SLC29A3: variants seen among roughly 807,000 people sequenced by gnomAD.
SLC29A3 encodes equilibrative nucleoside transporter 3.
In SLC29A3, 18 loss-of-function variants were observed where a neutral mutation model predicts 25.4. That is an observed-to-expected ratio of 0.71 (90% CI 0.49 to 1.05). SLC29A3 has a LOEUF of 1.05. SLC29A3 is among the 50% of genes least tolerant of loss of function. The pLI is 0.00. For synonymous variants in SLC29A3, 258 were observed against 267.1 expected (o/e 0.97, Z 0.33); for missense variants, 586 against 609.0 (o/e 0.96, Z 0.40).
chr10:71,329,453 GTC>G (rs1846068067), intron 2 of SLC29A3, among the ~76,000 whole-genome samples: 2 of 107,052 alleles, frequency 1.9e-5, no homozygotes, highest in Non-Finnish European at 3.6e-5. Flanking sequence ...GCAAGACTCT[GTC>G]TCAAAAAAAA....
chr10:71,366,653 GCTCCAGGGA>G (rs5786036), downstream of SLC29A3, among the ~76,000 whole-genome samples: 112,974 of 151,622 alleles, frequency 0.75, 43,392 homozygotes, highest in Non-Finnish European at 0.85. Context: ...TCCACTCAGT[GCTCCAGGGA>G]GAAGACTTCG....
In SLC29A3 at chr10:71,361,971, T is replaced by C. The variant is rs1847065895; in HGVS notation, c.791T>C (p.Val264Ala). 1 of 1,614,022 alleles carries C rather than the reference T, an allele frequency of 6.2e-7. No individual in the cohort carries two copies. The highest frequency in any genetic ancestry group is 1.7e-5 in the Admixed American group (1 of 60,004). ...LEYARYYMRP[V>A]LAAHVFSGEE... The stretch of plus-strand genomic sequence containing the variant: ...CCCTGCAGGTACTACATGAGGCCTG[T>C]TCTTGCGGCCCATGTGTTTTCTGGT... Residue 264 changes from valine (V) to alanine (A), a missense_variant, in exon 6 of 6, where the codon GTT becomes GCT. Coordinates refer to ENST00000373189, the MANE Select transcript of SLC29A3 (RefSeq NM_018344.6).
intron 2 of SLC29A3, among the ~76,000 whole-genome samples, chr10:71,340,742 C>T (rs1040534278): frequency 2.6e-5 from 4 of 152,202 alleles, no homozygotes; most frequent in Non-Finnish European, 5.9e-5. Flanking sequence ...GCCCCAACAC[C>T]TCTTGGAAGC....
At chr10:71,366,511 T>C (rs1161879683), downstream of SLC29A3, 1 of 152,198 alleles carries the variant, frequency 6.6e-6, no homozygotes, top group Non-Finnish European at 1.5e-5. Context: ...TTAACAAAGC[T>C]ACATGAGGGG....
intron 3 of SLC29A3, among the ~76,000 whole-genome samples, chr10:71,373,714 G>A (rs1474655120): frequency 6.6e-6 from 1 of 152,202 alleles, no homozygotes; most frequent in Non-Finnish European, 1.5e-5. Flanking sequence ...GGAGCTCACA[G>A]CCCTCTTCCC....
intron 5 of SLC29A3, among the ~76,000 whole-genome samples, chr10:71,359,908 T>C (rs568511384): frequency 9.8e-5 from 15 of 152,346 alleles, no homozygotes; most frequent in Non-Finnish European, 1.5e-4. Context: ...GTTGAGTGGC[T>C]CAGGCAAGGT....
intron 5 of SLC29A3, among the ~76,000 whole-genome samples, chr10:71,359,765 G>C (rs991823152): frequency 4.6e-5 from 7 of 152,304 alleles, no homozygotes; most frequent in Admixed American, 3.9e-4. Flanking sequence ...CACACAGGGA[G>C]GCAGAGACAA....
In SLC29A3 at chr10:71,363,362, C is replaced by T. The variant is rs995426177; in HGVS notation, c.*754C>T. On this transcript the variant is annotated 3_prime_UTR_variant, in exon 6 of 6. Transcript: ENST00000373189. ...CATGTCAAAGCCATTGGTTCAAGGG[C>T]GTAATAAATACTTGCGTATTCAATG... The T allele has an allele frequency of 1.1e-5, 5 of 453,924 alleles. No individual in the cohort carries two copies. Among genetic ancestry groups the T allele is most frequent in the Non-Finnish European group, 1.8e-5 (4 of 226,800 alleles). 28.1% of individuals were successfully genotyped at this position (453,924 alleles called of 1,614,324 possible). A position where few individuals can be genotyped will look rare whatever the true frequency, so the allele number is the denominator to read the frequency against.
At chr10:71,363,386 T>G (rs1847121710), downstream of SLC29A3, 1 of 453,596 alleles carries the variant, frequency 2.2e-6, no homozygotes, top group African/African-American at 2.0e-5. Context: ...GCGTATTCAA[T>G]GTAAGCCTCA....
At chr10:71,378,519 C>T (rs1010351283) in intron 4 of SLC29A3, among the ~76,000 whole-genome samples, 1 of 152,192 alleles carries the variant, frequency 6.6e-6, no homozygotes, top group Non-Finnish European at 1.5e-5. Context: ...CTTCCTCATC[C>T]CTCAAGTGAG....
chr10:71,338,689 G>A lies in SLC29A3; in HGVS notation c.301-5520G>A, dbSNP rs369591518. 1.1e-4 allele frequency among the ~76,000 whole-genome samples: 16 copies of A among 152,214 alleles called. No individual in the cohort carries two copies. In the East Asian group the frequency reaches 1.2e-3, roughly 11 times the overall value. ...GGAGAATTGCTTGAACCCAGGAGGC[G>A]GAGGTTGCAGTCAGCCAGGATCATG... On this transcript the variant is annotated intron_variant, in intron 2 of 5. Coordinates refer to ENST00000373189, the MANE Select transcript of SLC29A3 (RefSeq NM_018344.6).
rs1228853615 is a variant in SLC29A3 at position 71,362,549 on chromosome 10, G to T, written c.1369G>T (p.Val457Leu). The change falls in exon 6 of 6, where the codon GTG (valine) becomes TTG (leucine). Residue 457 changes from valine (V) to leucine (L), a missense_variant. Coordinates refer to ENST00000373189, the MANE Select transcript of SLC29A3 (RefSeq NM_018344.6). ...EATGVVMSFY[V>L]CLGLTLGSAC... is the part of the protein sequence containing the mutation. ...CACGGGAGTGGTGATGTCCTTTTAT[G>T]TGTGCTTGGGCTTAACACTGGGCTC... 6.2e-7 allele frequency: 1 copy of T among 1,614,044 alleles called. No homozygotes were observed. The highest frequency in any genetic ancestry group is 8.5e-7 in the Non-Finnish European group (1 of 1,180,048).
At chr10:71,346,195 A>G (rs1846574968) in intron 3 of SLC29A3, among the ~76,000 whole-genome samples, 1 of 152,204 alleles carries the variant, frequency 6.6e-6, no homozygotes, top group South Asian at 2.1e-4. Context: ...CTCCTGGGCC[A>G]TGGGTCAGGA....
At chr10:71,339,724 G>A (rs571022902) in intron 2 of SLC29A3, among the ~76,000 whole-genome samples, 9 of 152,186 alleles carry the variant, frequency 5.9e-5, no homozygotes, top group Non-Finnish European at 1.0e-4. Context: ...TGTGCCAGCC[G>A]TTCTGTCCTG....
At chr10:71,357,166 G>A (rs1410287679) in intron 5 of SLC29A3, among the ~76,000 whole-genome samples, 2 of 152,134 alleles carry the variant, frequency 1.3e-5, no homozygotes, top group African/African-American at 4.8e-5. Flanking sequence ...TGTAATCCCA[G>A]CACTTTGGGA....
intron 2 of SLC29A3, among the ~76,000 whole-genome samples, chr10:71,338,341 T>C (rs1218743533): frequency 6.6e-6 from 1 of 152,248 alleles, no homozygotes; most frequent in Non-Finnish European, 1.5e-5. Flanking sequence ...CTTTTCTTTT[T>C]AAAACTACGA....
At chr10:71,328,799 T>C (rs1228955194) in intron 2 of SLC29A3, among the ~76,000 whole-genome samples, 1 of 152,198 alleles carries the variant, frequency 6.6e-6, no homozygotes, top group African/African-American at 2.4e-5. Flanking sequence ...GTGGGGTTCC[T>C]GCCATAGGGA....
chr10:71,328,999 G>A lies in SLC29A3; in HGVS notation c.300+5945G>A, dbSNP rs574158739. Among the ~76,000 whole-genome samples, 4 of 152,360 alleles carry A rather than the reference G, an allele frequency of 2.6e-5. No homozygotes were observed. The South Asian group carries it at 8.3e-4, about 32-fold the overall frequency. On this transcript the variant is annotated intron_variant, in intron 2 of 5. Coordinates refer to ENST00000373189, the MANE Select transcript of SLC29A3 (RefSeq NM_018344.6). Reference sequence around the variant, plus strand: ...TGTTCAAAGGAAGCAGGATGAGCTTGTGTGGAGAAGAGGATACTGGAGGAC... The same window carrying A: ...TGTTCAAAGGAAGCAGGATGAGCTTATGTGGAGAAGAGGATACTGGAGGAC...
At chr10:71,355,158 T>C (rs1203511057) in intron 4 of SLC29A3, among the ~76,000 whole-genome samples, 1 of 152,036 alleles carries the variant, frequency 6.6e-6, no homozygotes, top group African/African-American at 2.4e-5. Context: ...AGGGCAGGGG[T>C]TGTTATTCCC....
Sources: allele counts gnomAD v4.1 joint callset (sites outside exome capture counted in the v4.1 genomes callset), GRCh38; gene constraint gnomAD v4.1.1; transcripts MANE v1.5; gene names NCBI Gene and HGNC (gene_info 2026-07-23, HGNC 2026-07-21).